Variants in ZC3H18 observed in about 807,000 individuals in gnomAD.
The protein encoded by ZC3H18 is zinc finger CCCH domain-containing protein 18.
Under a neutral mutation model 106.1 loss-of-function variants are expected in ZC3H18, and 8 were observed. The observed-to-expected ratio is 0.08, with a 90% CI of 0.04 to 0.14. ZC3H18 has a LOEUF of 0.14. ZC3H18 is among the 10% of genes least tolerant of loss of function. The pLI, the probability that ZC3H18 is intolerant of heterozygous loss-of-function variation, is 1.00. For missense variants in ZC3H18, 1,318 were observed against 1,278.4 expected (o/e 1.03, Z -0.47); for synonymous variants, 635 against 522.1 (o/e 1.22, Z -2.95).
At chr16:88,623,111 G>A (rs1421133630) in intron 9 of ZC3H18, 108 bp from the exon 10 acceptor site, 16 of 1,475,602 alleles carry the variant, frequency 1.1e-5, no homozygotes, top group Non-Finnish European at 1.4e-5. Flanking sequence ...GTGCGCTTGT[G>A]TGTAGCTGTG....
Position 88,577,403 on chromosome 16 carries a change from A to T in ZC3H18, c.280A>T (p.Ser94Cys), listed in dbSNP as rs780997503. 2.2e-5 allele frequency: 36 copies of T among 1,600,032 alleles called. No homozygotes were observed. Among genetic ancestry groups the T allele is most frequent in the Non-Finnish European group, 2.6e-5 (31 of 1,171,554 alleles). The stretch of plus-strand genomic sequence containing the variant: ...GAATGAGCTGAGCCGGGGCCCGACC[A>T]GCTCCCCCTGCGAGGAGGAGGGGGA... ...EVNELSRGPTSSPCEEEGDEG... is the reference protein window; with the variant it reads ...EVNELSRGPTCSPCEEEGDEG... Residue 94 changes from serine (S) to cysteine (C), a missense_variant, in exon 2 of 18, where the codon AGC becomes TGC. This residue lies in a region of ZC3H18 where 346 missense variants were observed against 269.0 expected (regional missense o/e 1.29). Transcript: ENST00000301011.
chr16:88,628,354 T>TC (rs1906447304), intron 15 of ZC3H18, among the ~76,000 whole-genome samples: 1 of 152,182 alleles, frequency 6.6e-6, no homozygotes, highest in Non-Finnish European at 1.5e-5. Flanking sequence ...GAGAGGGCGT[T>TC]CTCTTCGTGC....
At position 88,611,337 on chromosome 16, in the gene ZC3H18, G is replaced by C. The variant is rs1300030178; in HGVS notation, c.1276G>C (p.Glu426Gln). Reference sequence around the variant, plus strand: ...CGAGCGGGAGCGGGAGCGGGACCGAGAGCGGGAGCGCCGGCAGAGGGAGCG... The same window carrying C: ...CGAGCGGGAGCGGGAGCGGGACCGACAGCGGGAGCGCCGGCAGAGGGAGCG... ...ERERERERDR[E>Q]RERRQRERER... Residue 426 changes from glutamate (E) to glutamine (Q), a missense_variant, in exon 8 of 18, where the codon GAG becomes CAG. Physicochemically the swap from Glu to Gln is conservative, Grantham distance 29 (BLOSUM62 2). Around this residue, in one of 6 missense-constraint regions of ZC3H18, gnomAD observed 848 missense variants for 821.7 expected, o/e 1.03. Coordinates refer to ENST00000301011, the MANE Select transcript of ZC3H18 (RefSeq NM_144604.4). The C allele has an allele frequency of 3.8e-6, 3 of 789,846 alleles. No homozygotes were observed. The South Asian group carries it at 4.4e-5, about 11-fold the overall frequency. 48.9% of individuals were successfully genotyped at this position (789,846 alleles called of 1,614,324 possible). A position where few individuals can be genotyped will look rare whatever the true frequency, so the allele number is the denominator to read the frequency against.
Position 88,622,403 on chromosome 16 carries a change from T to G in ZC3H18, c.1667+15T>G. ...AATTCCTCCAGGTAAGGAGGGCTCGTGGGACGGCTGGGGTGTCAGCACCTT... is the reference window on the plus strand; with the variant it reads ...AATTCCTCCAGGTAAGGAGGGCTCGGGGGACGGCTGGGGTGTCAGCACCTT... On this transcript the variant is annotated intron_variant, in intron 9 of 17. Transcript: ENST00000301011. 6.3e-7 allele frequency: 1 copy of G among 1,587,152 alleles called. No individual in the cohort carries two copies. The highest frequency in any genetic ancestry group is 8.6e-7 in the Non-Finnish European group (1 of 1,164,286).
At chr16:88,578,575 A>G (rs1914907686) in intron 2 of ZC3H18, among the ~76,000 whole-genome samples, 1 of 151,592 alleles carries the variant, frequency 6.6e-6, no homozygotes, top group East Asian at 1.9e-4. Flanking sequence ...GATTGTGCTT[A>G]TGGGGAGTCA....
At chr16:88,571,796 G>C (rs762209459) in intron 1 of ZC3H18, 44 of 475,974 alleles carry the variant, frequency 9.2e-5, no homozygotes, top group Non-Finnish European at 1.2e-4. Context: ...CACTTTGCAC[G>C]TGGGGTCTGT....
chr16:88,586,903 G>T (rs976228907), intron 3 of ZC3H18, among the ~76,000 whole-genome samples: 1 of 152,178 alleles, frequency 6.6e-6, no homozygotes, highest in Non-Finnish European at 1.5e-5. Context: ...GACTGCCTTG[G>T]TGGGAGCAGC....
rs59222261 is a variant in ZC3H18 at position 88,603,623 on chromosome 16, C to CTT, written c.1088+3691_1088+3692dup. Among the ~76,000 whole-genome samples, 201 of 132,572 alleles carry CTT rather than the reference C, an allele frequency of 1.5e-3. 6 individuals are homozygous for CTT. The highest frequency in any genetic ancestry group is 4.2e-3 in the African/African-American group (152 of 36,150). The allele number at this position is 132,572 out of a possible 152,430, so 87.0% of individuals were successfully genotyped here. ...TGGGCAACAGAGCGAGACTCCGTCT[C>CTT]TTTTTTTTTTTTTTTTTGAGACGGA... On this transcript the variant is annotated intron_variant, in intron 6 of 17. Coordinates refer to ENST00000301011, the MANE Select transcript of ZC3H18 (RefSeq NM_144604.4).
At chr16:88,626,779 T>A (rs1906338215) in intron 13 of ZC3H18, 1 of 152,274 alleles carries the variant, frequency 6.6e-6, no homozygotes, top group South Asian at 2.1e-4. Flanking sequence ...GTTGGTGTTT[T>A]CTCGAGCAGC....
chr16:88,616,517 C>T (rs962463847), intron 8 of ZC3H18, among the ~76,000 whole-genome samples: 2 of 152,218 alleles, frequency 1.3e-5, no homozygotes, highest in African/African-American at 4.8e-5. Flanking sequence ...TGCGGGAGCC[C>T]TGCCAGGCCC....
intron 1 of ZC3H18, 129 bp from the exon 2 acceptor site, chr16:88,576,981 T>G: frequency 4.7e-6 from 4 of 859,330 alleles, no homozygotes; most frequent in Non-Finnish European, 6.9e-6. Context: ...GAGTGGAGTG[T>G]GGGATTTGGG....
Position 88,599,832 on chromosome 16 carries a change from T to G in ZC3H18, c.972T>G (p.Asp324Glu). Residue 324 changes from aspartate to glutamate, a missense_variant, in exon 6 of 18, where the codon GAT (aspartate) becomes GAG (glutamate). By Grantham distance (45) the Asp-to-Glu change is conservative. This residue lies in a region of ZC3H18 where 848 missense variants were observed against 821.7 expected (regional missense o/e 1.03). Transcript: ENST00000301011. ...CTATTCGAAAAGAACAGGAGCCTGA[T>G]TTTGAAGAGAAAAGGTTTACGGTGA... is the stretch of plus-strand genomic sequence containing the variant. ...KATIRKEQEP[D>E]FEEKRFTVTI... The G allele has an allele frequency of 6.2e-7, 1 of 1,614,058 alleles. No individual in the cohort carries two copies. Among genetic ancestry groups the G allele is most frequent in the Non-Finnish European group, 8.5e-7 (1 of 1,179,994 alleles).
intron 6 of ZC3H18, among the ~76,000 whole-genome samples, chr16:88,607,074 GC>G (rs922892422): frequency 6.6e-6 from 1 of 151,668 alleles, no homozygotes; most frequent in Non-Finnish European, 1.5e-5. Context: ...TTTAGAGCAG[GC>G]CCCCCCCAAC....
chr16:88,609,437 A>G (rs1389012547), intron 7 of ZC3H18, among the ~76,000 whole-genome samples: 1 of 152,032 alleles, frequency 6.6e-6, no homozygotes, highest in Non-Finnish European at 1.5e-5. Context: ...AGCTGGGACC[A>G]CACGCATGCA....
intron 8 of ZC3H18, among the ~76,000 whole-genome samples, chr16:88,621,326 G>A (rs1481355425): frequency 6.6e-6 from 1 of 151,868 alleles, no homozygotes; most frequent in African/African-American, 2.4e-5. Context: ...CCGGGTTCAC[G>A]CCATTCTTCT....
chr16:88,574,049 A>G (rs761456840), intron 1 of ZC3H18, among the ~76,000 whole-genome samples: 10 of 151,646 alleles, frequency 6.6e-5, no homozygotes, highest in Non-Finnish European at 7.4e-5. Flanking sequence ...AATGTTTTGT[A>G]TATTTAGTAG....
chr16:88,609,241 G>C (rs189704421), intron 7 of ZC3H18, 190 bp downstream of exon 7: 104 of 394,220 alleles, frequency 2.6e-4, no homozygotes, highest in African/African-American at 2.0e-3. Flanking sequence ...ATGGTCATTT[G>C]AACAAAGACT....
intron 1 of ZC3H18, among the ~76,000 whole-genome samples, chr16:88,575,983 C>G (rs764416337): frequency 6.6e-6 from 1 of 152,246 alleles, no homozygotes; most frequent in Non-Finnish European, 1.5e-5. Context: ...TCACTGCAAG[C>G]TCTACCTCCT....
intron 9 of ZC3H18, chr16:88,622,835 C>T (rs900762376): frequency 9.8e-6 from 3 of 305,514 alleles, no homozygotes; most frequent in Non-Finnish European, 1.9e-5. Flanking sequence ...TAGACCCCAT[C>T]ATGCTCGGCA....
Sources: gnomAD v4.1 joint callset for allele counts (sites outside exome capture counted in the v4.1 genomes callset) on GRCh38, gnomAD v4.1.1 for gene constraint, gnomAD v4.1.1 regional missense constraint, MANE v1.5 for transcripts, NCBI Gene and HGNC (gene_info 2026-07-23, HGNC 2026-07-21) for gene names.